Variants in NRP2 observed in about 807,000 individuals in gnomAD.
NRP2 encodes neuropilin 2.
Under a neutral mutation model 110.4 loss-of-function variants are expected in NRP2, and 52 were observed. That is an observed-to-expected ratio of 0.47 (90% CI 0.38 to 0.59). NRP2 has a LOEUF of 0.59. NRP2 is among the 20% of genes least tolerant of loss of function. NRP2 has a pLI of 0.00. For synonymous variants in NRP2, 508 were observed against 468.9 expected (o/e 1.08, Z -1.08); for missense variants, 1,049 against 1,203.0 (o/e 0.87, Z 1.89).
intron 7 of NRP2, chr2:205,740,009 C>G: frequency 4.0e-6 from 1 of 250,446 alleles, no homozygotes. Flanking sequence ...TGCCCCTCAT[C>G]ATCTTGTCCG....
At chr2:205,706,670 TG>T (rs1432655527) in intron 2 of NRP2, among the ~76,000 whole-genome samples, 2 of 152,106 alleles carry the variant, frequency 1.3e-5, no homozygotes, top group East Asian at 1.9e-4. Flanking sequence ...ACTATTATTT[TG>T]GGGGGTCATC....
chr2:205,785,113 T>G (rs1455890840), intron 15 of NRP2, among the ~76,000 whole-genome samples: 3 of 152,190 alleles, frequency 2.0e-5, no homozygotes, highest in Non-Finnish European at 2.9e-5. Flanking sequence ...GACATACAGG[T>G]GTACAGTTTC....
intron 2 of NRP2, among the ~76,000 whole-genome samples, chr2:205,704,081 C>T (rs901500264): frequency 6.6e-6 from 1 of 152,154 alleles, no homozygotes; most frequent in Non-Finnish European, 1.5e-5. Flanking sequence ...CTATGTCCAG[C>T]GACCTCCCCC....
intron 1 of NRP2, among the ~76,000 whole-genome samples, chr2:205,684,018 G>A (rs1463755270): frequency 2.0e-5 from 3 of 152,270 alleles, no homozygotes; most frequent in East Asian, 3.9e-4. Flanking sequence ...TAAATCGTAC[G>A]TTCTTTTAGA....
intron 16 of NRP2, among the ~76,000 whole-genome samples, chr2:205,792,829 A>G (rs1261656528): frequency 6.6e-6 from 1 of 152,126 alleles, no homozygotes; most frequent in Non-Finnish European, 1.5e-5. Flanking sequence ...CTGCAAACAC[A>G]TATACTTCAA....
intron 10 of NRP2, among the ~76,000 whole-genome samples, chr2:205,747,646 C>T (rs2057562458): frequency 1.3e-5 from 2 of 152,148 alleles, no homozygotes; most frequent in African/African-American, 4.8e-5. Context: ...TATCACAGAC[C>T]TGGGCCAATT....
chr2:205,719,775 T>C (rs912348779), intron 3 of NRP2, among the ~76,000 whole-genome samples: 2 of 152,214 alleles, frequency 1.3e-5, no homozygotes, highest in African/African-American at 4.8e-5. Flanking sequence ...TTAAATGTCT[T>C]GATACCTATA....
rs201676412 is a variant in NRP2, at chr2:205,795,090, A to G, written c.*32A>G. ...GCACCTGAATCCTATCTGACGTTTC[A>G]TTCCAGCAAGAGGGGCTGGGGAAGA... is the stretch of plus-strand genomic sequence containing the variant. On this transcript the variant is annotated 3_prime_UTR_variant, in exon 17 of 17. Transcript: ENST00000357785. 1.2e-6 allele frequency: 2 copies of G among 1,602,046 alleles called. No homozygotes were observed. The highest frequency in any genetic ancestry group is 2.2e-5 in the East Asian group (1 of 44,746).
chr2:205,743,037 G>A (rs1343211826), intron 8 of NRP2, among the ~76,000 whole-genome samples, 166 bp from the exon 9 acceptor site: 3 of 152,238 alleles, frequency 2.0e-5, no homozygotes, highest in Admixed American at 2.0e-4. Context: ...CTAGCTCTGA[G>A]TCCAGGCTCT....
intron 3 of NRP2, among the ~76,000 whole-genome samples, chr2:205,719,104 C>G (rs1249900488): frequency 1.3e-5 from 2 of 152,190 alleles, no homozygotes; most frequent in African/African-American, 4.8e-5. Flanking sequence ...AAGTTTACGT[C>G]ATCCACAGAA....
chr2:205,697,033 G>A (rs575264672), intron 1 of NRP2, among the ~76,000 whole-genome samples: 3 of 152,214 alleles, frequency 2.0e-5, no homozygotes, highest in East Asian at 3.9e-4. Flanking sequence ...ACATGTAATT[G>A]TTACCAGGCT....
intron 15 of NRP2, among the ~76,000 whole-genome samples, chr2:205,769,073 A>ATAC (rs1306918121): frequency 6.6e-6 from 1 of 152,256 alleles, no homozygotes; most frequent in African/African-American, 2.4e-5. Flanking sequence ...AGTGACTCAT[A>ATAC]TACTATTCCT....
chr2:205,724,654 C>CA (rs2057091170), intron 5 of NRP2, among the ~76,000 whole-genome samples: 2 of 80,370 alleles, frequency 2.5e-5, no homozygotes, highest in African/African-American at 1.0e-4. Flanking sequence ...CAAACGATAA[C>CA]TTTTTTTTTT....
chr2:205,792,444 G>T (rs553486917), intron 16 of NRP2, among the ~76,000 whole-genome samples, 159 bp downstream of exon 16: 15 of 152,322 alleles, frequency 9.8e-5, no homozygotes, highest in African/African-American at 3.4e-4. Context: ...ACCATCAATG[G>T]ATCTGTCAGG....
chr2:205,745,346 T>C (rs849564), intron 9 of NRP2, among the ~76,000 whole-genome samples: 139,381 of 152,210 alleles, frequency 0.92, 64,119 homozygotes, highest in East Asian at 1. Flanking sequence ...AAAGAAGTGT[T>C]CCTTTCCCTG....
intron 2 of NRP2, among the ~76,000 whole-genome samples, chr2:205,710,361 A>G (rs1412845423): frequency 1.3e-5 from 2 of 152,254 alleles, no homozygotes; most frequent in Non-Finnish European, 1.5e-5. Flanking sequence ...CTGCATCTGC[A>G]AATGGATGGT....
intron 2 of NRP2, among the ~76,000 whole-genome samples, chr2:205,709,533 T>A (rs1272921847): frequency 6.6e-6 from 1 of 152,220 alleles, no homozygotes; most frequent in African/African-American, 2.4e-5. Flanking sequence ...GTTAAATACC[T>A]TGTCTGTAAT....
chr2:205,781,600 C>T (rs924071197), intron 15 of NRP2, among the ~76,000 whole-genome samples: 1 of 152,216 alleles, frequency 6.6e-6, no homozygotes, highest in African/African-American at 2.4e-5. Context: ...GAAGTTTTGA[C>T]TTGCCTGCAT....
At chr2:205,722,950 T>A (rs1238437079) in intron 4 of NRP2, among the ~76,000 whole-genome samples, 1 of 152,218 alleles carries the variant, frequency 6.6e-6, no homozygotes, top group Non-Finnish European at 1.5e-5. Context: ...TTGGAAAGGA[T>A]GAGAAAACTT....
Sources: allele counts gnomAD v4.1 joint callset (sites outside exome capture counted in the v4.1 genomes callset), GRCh38; gene constraint gnomAD v4.1.1; transcripts MANE v1.5; gene names NCBI Gene and HGNC (gene_info 2026-07-23, HGNC 2026-07-21).